ABCA8: variants seen among roughly 807,000 people sequenced by gnomAD.
ABCA8 encodes ATP binding cassette subfamily A member 8, also known as ABC-type organic anion transporter ABCA8.
ABCA8 carries 177 observed loss-of-function variants against 192.3 expected under a neutral mutation model. The observed-to-expected ratio is 0.92, with a 90% CI of 0.81 to 1.04. The LOEUF is 1.04. Among genes scored for constraint, ABCA8 ranks in the 50% least tolerant of loss-of-function variants. The pLI is 0.00. For synonymous variants in ABCA8, 642 were observed against 690.2 expected (o/e 0.93, Z 1.09); for missense variants, 1,915 against 1,904.8 (o/e 1.01, Z -0.10).
chr17:68,927,444 G>A (rs1421667098), intron 10 of ABCA8, among the ~76,000 whole-genome samples: 1 of 123,934 alleles, frequency 8.1e-6, no homozygotes, highest in Non-Finnish European at 2.0e-5. Flanking sequence ...GAACTTCTGG[G>A]GAGATTTTTT....
At chr17:68,942,547 C>T (rs1174130724) in intron 2 of ABCA8, among the ~76,000 whole-genome samples, 1 of 152,134 alleles carries the variant, frequency 6.6e-6, no homozygotes, top group Non-Finnish European at 1.5e-5. Flanking sequence ...TAGCTCTTGA[C>T]TTGGGTAGCA....
At chr17:68,892,745 A>T (rs2066646554) in intron 23 of ABCA8, among the ~76,000 whole-genome samples, 1 of 152,214 alleles carries the variant, frequency 6.6e-6, no homozygotes, top group Admixed American at 6.5e-5. Context: ...CATTTACTTT[A>T]ATGATTAAGT....
chr17:68,922,184 T>C lies in ABCA8; in HGVS notation c.1501+58A>G, dbSNP rs955310481. 46 of 874,374 alleles carry C rather than the reference T, an allele frequency of 5.3e-5. No homozygotes were observed. The African/African-American group carries it at 7.4e-4, about 14-fold the overall frequency. 54.2% of individuals were successfully genotyped at this position (874,374 alleles called of 1,614,324 possible). A position where few individuals can be genotyped will look rare whatever the true frequency, so the allele number is the denominator to read the frequency against. ...AATACTAATATAACAAATATTTTCT[T>C]TCTCTCTCTCTTTTTTTTTTTTTTT... On this transcript the variant is annotated intron_variant, in intron 12 of 39. Transcript: ENST00000586539.
intron 2 of ABCA8, among the ~76,000 whole-genome samples, chr17:68,945,660 G>A (rs55930112): frequency 0.027 from 4,119 of 152,130 alleles, 165 homozygotes; most frequent in African/African-American, 0.086. Flanking sequence ...GACCTAAGTC[G>A]TTGGTGATGA....
chr17:68,894,201 A>G lies in ABCA8; in HGVS notation c.3008T>C (p.Ile1003Thr). The G allele has an allele frequency of 6.2e-7, 1 of 1,613,398 alleles. No individual in the cohort carries two copies. Among genetic ancestry groups the G allele is most frequent in the Non-Finnish European group, 8.5e-7 (1 of 1,179,704 alleles). Residue 1003 changes from isoleucine to threonine, a missense_variant, in exon 23 of 40, where the codon ATC becomes ACC. Ile to Thr is a moderately conservative substitution (Grantham distance 89). Transcript: ENST00000586539. ...CAAAAATGTACTTCTTTCAGTTCGG[A>G]TATGTACTGATGGTTTAACCATTCC... ...LLGMVKPSVH[I>T]RTERSTFLEN...
intron 31 of ABCA8, 48 bp from the exon 32 acceptor site, chr17:68,881,259 T>A: frequency 7.6e-7 from 1 of 1,318,464 alleles, no homozygotes. Context: ...ATGGTAACAT[T>A]AAGAGTAAAA....
chr17:68,946,846 C>T (rs1338007657), intron 2 of ABCA8, among the ~76,000 whole-genome samples: 1 of 152,064 alleles, frequency 6.6e-6, no homozygotes, highest in Non-Finnish European at 1.5e-5. Flanking sequence ...GAGGCTGAGG[C>T]AGGGGAATCG....
intron 13 of ABCA8, 93 bp from the exon 14 acceptor site, chr17:68,919,569 A>G: frequency 9.0e-7 from 1 of 1,105,200 alleles, no homozygotes; most frequent in South Asian, 1.7e-5. Context: ...CTTTATCTTG[A>G]CAGTTTATAC....
At chr17:68,880,580 G>A (rs1188536225) in intron 32 of ABCA8, among the ~76,000 whole-genome samples, 1 of 152,142 alleles carries the variant, frequency 6.6e-6, no homozygotes, top group African/African-American at 2.4e-5. Context: ...GTGGTTTCTG[G>A]CACCTCCAAG....
rs760461322 is a variant in ABCA8 at position 68,928,031 on chromosome 17, A to G, written c.1158T>C (p.Asn386=). ...AGCCGTCCGATGGATGAGGAAATGC[A>G]TTAGAATTCAAATCATAGTCCAAGT... ...LLHLDYDLNS[N]AFPHPSDGSN... Residue 386 remains asparagine, a synonymous_variant, in exon 10 of 40, where the codon AAT becomes AAC. Coordinates refer to ENST00000586539, the MANE Select transcript of ABCA8 (RefSeq NM_001288985.2). The G allele has an allele frequency of 2.5e-6, 4 of 1,598,410 alleles. No homozygotes were observed. In the Admixed American group the frequency reaches 5.4e-5, roughly 22 times the overall value.
chr17:68,906,832 C>T (rs1241344354), intron 18 of ABCA8, among the ~76,000 whole-genome samples: 2 of 152,088 alleles, frequency 1.3e-5, no homozygotes, highest in Admixed American at 6.5e-5. Flanking sequence ...ACGCATCTGT[C>T]ATTGTTCATG....
chr17:68,876,090 G>A (rs1324222961), intron 35 of ABCA8, among the ~76,000 whole-genome samples: 2 of 152,136 alleles, frequency 1.3e-5, no homozygotes, highest in African/African-American at 4.8e-5. Flanking sequence ...AAAATAAAAT[G>A]TACAGTAAAC....
chr17:68,918,318 A>G (rs2067436850), intron 15 of ABCA8, 109 bp downstream of exon 15: 3 of 1,470,812 alleles, frequency 2.0e-6, no homozygotes, highest in African/African-American at 1.4e-5. Context: ...TTAATGTTCT[A>G]TTATGAATAT....
chr17:68,868,484 T>G, intron 38 of ABCA8, 128 bp from the exon 39 acceptor site: 1 of 773,776 alleles, frequency 1.3e-6, no homozygotes, highest in East Asian at 2.7e-5. Flanking sequence ...ATTCATGTCT[T>G]AAGTACATCG....
rs60957466 is a variant in ABCA8 at position 68,911,734 on chromosome 17, T to TACACACACACACACAC, written c.2139-3871_2139-3856dup. Among the ~76,000 whole-genome samples, 33 of 144,076 alleles carry TACACACACACACACAC rather than the reference T, an allele frequency of 2.3e-4. No individual in the cohort carries two copies. Among genetic ancestry groups the TACACACACACACACAC allele is most frequent in the African/African-American group, 5.6e-4 (22 of 39,198 alleles). 94.5% of individuals were successfully genotyped at this position (144,076 alleles called of 152,430 possible). ...CCTCTGCCAGCTCCAGACAGCTCAA[T>TACACACACACACACAC]ACACACACACACACACACACACACA... On this transcript the variant is annotated intron_variant, in intron 17 of 39. Coordinates refer to ENST00000586539, the MANE Select transcript of ABCA8 (RefSeq NM_001288985.2). This position sits in a 1 kb window ranked among gnomAD's most constrained non-coding sequence, Gnocchi z 5.7.
At chr17:68,884,711 T>C in intron 27 of ABCA8, 1 of 1,074,776 alleles carries the variant, frequency 9.3e-7, no homozygotes, top group African/African-American at 1.6e-5. Context: ...CCTGTGCCCA[T>C]CGTTTCTCTT....
intron 21 of ABCA8, among the ~76,000 whole-genome samples, chr17:68,898,011 C>T (rs547065796): frequency 2.0e-5 from 3 of 152,218 alleles, no homozygotes; most frequent in African/African-American, 7.2e-5. Flanking sequence ...ACCAACTCCA[C>T]GTGGGATGTA....
Position 68,918,467 on chromosome 17 carries a change from C to G in ABCA8, c.1868G>C (p.Arg623Thr). The G allele has an allele frequency of 6.4e-7, 1 of 1,566,016 alleles. No individual in the cohort carries two copies. Among genetic ancestry groups the G allele is most frequent in the African/African-American group, 1.4e-5 (1 of 73,984 alleles). Residue 623 changes from arginine to threonine, a missense_variant, in exon 15 of 40, where the codon AGA becomes ACA. Transcript: ENST00000586539. ...AATGGCAATCCCAAAGGTTAGCTTT[C>G]TTTTCTGTCCACCACTTAAGTTTTG... ...LAQNLSGGQKRKLTFGIAILG... is the reference protein window; with the variant it reads ...LAQNLSGGQKTKLTFGIAILG...
intron 10 of ABCA8, 28 bp downstream of exon 10, chr17:68,927,888 A>G: frequency 6.8e-7 from 1 of 1,478,668 alleles, no homozygotes. Context: ...TTTAAATGAT[A>G]TATGATTTTA....
Sources: gnomAD v4.1 joint callset for allele counts (sites outside exome capture counted in the v4.1 genomes callset) on GRCh38, gnomAD v4.1.1 for gene constraint, Gnocchi (gnomAD v3.1) non-coding constraint, MANE v1.5 for transcripts, NCBI Gene and HGNC (gene_info 2026-07-23, HGNC 2026-07-21) for gene names.